Variants in ACER3 observed in about 807,000 individuals in gnomAD.
ACER3 encodes the protein alkCDase 3.
ACER3 carries 16 observed loss-of-function variants against 48.9 expected under a neutral mutation model. The observed-to-expected ratio is 0.33, with a 90% CI of 0.22 to 0.50. The LOEUF is 0.50. Among genes scored for constraint, ACER3 ranks in the 20% least tolerant of loss-of-function variants. ACER3 has a pLI of 0.98. For synonymous variants in ACER3, 109 were observed against 107.8 expected, an observed-to-expected ratio of 1.01 and a Z score of -0.07; for missense variants, 227 against 326.0, an observed-to-expected ratio of 0.70 and a Z score of 2.34.
chr11:76,923,789 A>G (rs545236331), intron 1 of ACER3, among the ~76,000 whole-genome samples: 1 of 152,152 alleles, frequency 6.6e-6, no homozygotes, highest in South Asian at 2.1e-4. Context: ...AAATTTTACC[A>G]TTTCAGCTTT....
chr11:76,864,902 T>C lies in ACER3; in HGVS notation c.103+3823T>C, dbSNP rs1945035541. Among the ~76,000 whole-genome samples, 4 of 148,014 alleles carry C rather than the reference T, an allele frequency of 2.7e-5. No individual in the cohort carries two copies. In the Admixed American group the frequency reaches 2.7e-4, roughly 10 times the overall value. On this transcript the variant is annotated intron_variant, in intron 1 of 10. Transcript: ENST00000532485. ...GCGTGAACTTCCATGCCCAGTTGTCTTTTTTCTTTTAAATTAATTTTTTTT... is the reference window on the plus strand; with the variant it reads ...GCGTGAACTTCCATGCCCAGTTGTCCTTTTTCTTTTAAATTAATTTTTTTT...
chr11:76,937,150 A>G (rs1381916680), intron 2 of ACER3, among the ~76,000 whole-genome samples: 1 of 152,252 alleles, frequency 6.6e-6, no homozygotes, highest in Non-Finnish European at 1.5e-5. Flanking sequence ...TTACTTAATA[A>G]GAGAAATGCA....
At chr11:76,938,597 G>A (rs1205713869) in intron 2 of ACER3, among the ~76,000 whole-genome samples, 1 of 152,144 alleles carries the variant, frequency 6.6e-6, no homozygotes, top group Non-Finnish European at 1.5e-5. Context: ...CAGATTACAG[G>A]TGTGAGCCAG....
At chr11:76,892,629 C>T (rs1945833885) in intron 1 of ACER3, among the ~76,000 whole-genome samples, 1 of 152,138 alleles carries the variant, frequency 6.6e-6, no homozygotes, top group Admixed American at 6.5e-5. Flanking sequence ...TCCAGTAGAA[C>T]TTGGCCCAAA....
chr11:76,927,457 T>TG (rs1946860446), intron 2 of ACER3, among the ~76,000 whole-genome samples: 1 of 93,452 alleles, frequency 1.1e-5, no homozygotes, highest in Non-Finnish European at 3.3e-5. Flanking sequence ...TTTTCTATTC[T>TG]GTTTTTTTTA....
intron 1 of ACER3, among the ~76,000 whole-genome samples, chr11:76,870,633 T>C (rs923435211): frequency 1.3e-5 from 2 of 152,176 alleles, no homozygotes; most frequent in Non-Finnish European, 1.5e-5. Flanking sequence ...CTTTCATGGG[T>C]GCCATGAATT....
chr11:76,978,980 G>A (rs564215193), intron 4 of ACER3, among the ~76,000 whole-genome samples: 14 of 152,352 alleles, frequency 9.2e-5, no homozygotes, highest in African/African-American at 3.4e-4. Flanking sequence ...CCCCAAGCTT[G>A]CTCATTAAAC....
chr11:76,968,141 A>G (rs1398332471), intron 3 of ACER3, among the ~76,000 whole-genome samples: 2 of 151,904 alleles, frequency 1.3e-5, no homozygotes, highest in East Asian at 3.9e-4. Flanking sequence ...ATTCTTATAC[A>G]CCAATAACAG....
chr11:76,979,840 T>A (rs74807764), intron 4 of ACER3, among the ~76,000 whole-genome samples: 1 of 150,008 alleles, frequency 6.7e-6, no homozygotes, highest in Non-Finnish European at 1.5e-5. Flanking sequence ...AACATTTTAT[T>A]AAAAAAAAAA....
chr11:76,960,338 G>A (rs957656269), intron 3 of ACER3, among the ~76,000 whole-genome samples: 2 of 151,982 alleles, frequency 1.3e-5, no homozygotes, highest in South Asian at 4.2e-4. Flanking sequence ...GAGCCTGGGA[G>A]GCGGAGATCG....
intron 1 of ACER3, among the ~76,000 whole-genome samples, chr11:76,876,676 G>T (rs1945392358): frequency 1.3e-5 from 2 of 152,270 alleles, no homozygotes; most frequent in Middle Eastern, 3.4e-3. Context: ...CAGAGCATTT[G>T]ATCCACATCC....
intron 2 of ACER3, among the ~76,000 whole-genome samples, chr11:76,929,469 A>G (rs1590945440): frequency 6.6e-6 from 1 of 152,278 alleles, no homozygotes; most frequent in East Asian, 1.9e-4. Flanking sequence ...CTCCTGCCTG[A>G]TTGCCCTGGC....
chr11:76,881,924 A>G (rs958285148), intron 1 of ACER3, among the ~76,000 whole-genome samples: 1 of 150,246 alleles, frequency 6.7e-6, no homozygotes, highest in Non-Finnish European at 1.5e-5. Context: ...TCTCTCTTCT[A>G]TCCTTTGGCT....
chr11:76,967,641 G>T (rs1379042660), intron 3 of ACER3, among the ~76,000 whole-genome samples: 4 of 150,008 alleles, frequency 2.7e-5, no homozygotes, highest in Admixed American at 2.7e-4. Context: ...TTCAACATAG[G>T]CAAATCAATA....
At chr11:76,971,535 C>G (rs1321552691) in intron 3 of ACER3, among the ~76,000 whole-genome samples, 3 of 149,546 alleles carry the variant, frequency 2.0e-5, no homozygotes, top group African/African-American at 7.4e-5. Context: ...GAGACTCCAT[C>G]TCAAAAAAAA....
intron 2 of ACER3, among the ~76,000 whole-genome samples, chr11:76,935,167 AAGTC>A (rs1414613305): frequency 6.6e-6 from 1 of 151,130 alleles, no homozygotes; most frequent in Non-Finnish European, 1.5e-5. Context: ...CTGTTGTAGA[AAGTC>A]AGAGAAACAA....
At chr11:77,001,310 C>T (rs1949027063) in intron 7 of ACER3, among the ~76,000 whole-genome samples, 1 of 152,046 alleles carries the variant, frequency 6.6e-6, no homozygotes, top group African/African-American at 2.4e-5. Context: ...GGCTGGAGTG[C>T]GATGGCATGA....
At chr11:76,865,877 C>T (rs1330802752) in intron 1 of ACER3, among the ~76,000 whole-genome samples, 1 of 150,248 alleles carries the variant, frequency 6.7e-6, no homozygotes, top group Non-Finnish European at 1.5e-5. Flanking sequence ...AGTGCAGCGG[C>T]GTGATCTTGG....
chr11:76,998,906 A>G, intron 7 of ACER3, 85 bp downstream of exon 7: 2 of 1,068,066 alleles, frequency 1.9e-6, no homozygotes, highest in South Asian at 3.4e-5. Context: ...AAAATAACAC[A>G]TAAAAGCTCA....
Sources: allele counts gnomAD v4.1 joint callset (sites outside exome capture counted in the v4.1 genomes callset), GRCh38; gene constraint gnomAD v4.1.1; transcripts MANE v1.5; gene names NCBI Gene and HGNC (gene_info 2026-07-23, HGNC 2026-07-21).